The following TMEM135 variants were observed in gnomAD, a reference collection of about 807,000 sequenced individuals.
The protein encoded by TMEM135 is transmembrane protein 135, also known as peroxisomal membrane protein 52.
A neutral mutation model predicts 60.3 loss-of-function variants in TMEM135; 30 were observed. The ratio of observed to expected loss-of-function variants is 0.50; its 90% CI spans 0.37 to 0.68. The LOEUF (loss-of-function observed/expected upper bound fraction) is 0.68, where lower values mean the gene tolerates loss of function less well. Ranked by LOEUF, TMEM135 falls within the 30% of genes least tolerant of loss-of-function variation. The pLI, the probability that TMEM135 is intolerant of heterozygous loss-of-function variation, is 0.00. For synonymous variants in TMEM135, 190 were observed against 186.7 expected (o/e 1.02, Z -0.14); for missense variants, 468 against 548.8 (o/e 0.85, Z 1.47).
intron 5 of TMEM135, chr11:87,178,439 G>A (rs1156749728): frequency 1.1e-5 from 5 of 455,924 alleles, no homozygotes; most frequent in Admixed American, 4.7e-5. Context: ...TTAACATAAT[G>A]CGTTTTGTTT....
At chr11:87,071,468 T>C in intron 2 of TMEM135, 55 bp from the exon 3 acceptor site, 1 of 1,332,810 alleles carries the variant, frequency 7.5e-7, no homozygotes, top group East Asian at 2.3e-5. Flanking sequence ...CTATTCATAA[T>C]AACTGAAGTG....
intron 8 of TMEM135, among the ~76,000 whole-genome samples, chr11:87,304,418 G>A (rs1483799665): frequency 1.3e-5 from 2 of 150,288 alleles, no homozygotes; most frequent in African/African-American, 4.9e-5. Context: ...TTTCAGTGTA[G>A]TTCTGGTAGC....
In TMEM135 at chr11:87,189,069, C is replaced by T. The variant is rs554645265; in HGVS notation, c.462+31663C>T. Among the ~76,000 whole-genome samples, 337 of 149,366 alleles carry T rather than the reference C, an allele frequency of 2.3e-3. 2 individuals carry two copies. Among genetic ancestry groups the T allele is most frequent in the Admixed American group, 0.018 (276 of 15,070 alleles). On this transcript the variant is annotated intron_variant, in intron 5 of 14. Transcript: ENST00000305494. ...TGCTATTCCTTACTTTTCCTTTTTTCTTTCCTTTCCTTTCTTTCCTTCCTT... is the reference window on the plus strand; with the variant it reads ...TGCTATTCCTTACTTTTCCTTTTTTTTTTCCTTTCCTTTCTTTCCTTCCTT...
chr11:87,165,897 A>T (rs1022368908), intron 5 of TMEM135, among the ~76,000 whole-genome samples: 1 of 150,876 alleles, frequency 6.6e-6, no homozygotes, highest in Non-Finnish European at 1.5e-5. Context: ...ATAAAAAATG[A>T]TAAAGGGGAT....
chr11:87,195,219 C>T (rs558596731), intron 5 of TMEM135, among the ~76,000 whole-genome samples: 12 of 151,606 alleles, frequency 7.9e-5, no homozygotes, highest in Non-Finnish European at 1.6e-4. Context: ...TTTCCTTCTC[C>T]CCTGTCTTCT....
intron 1 of TMEM135, among the ~76,000 whole-genome samples, chr11:87,045,626 A>T (rs1294611838): frequency 1.3e-5 from 2 of 152,242 alleles, no homozygotes; most frequent in East Asian, 3.8e-4. Flanking sequence ...CTCTGGTAAC[A>T]GATTTTCCAT....
intron 6 of TMEM135, among the ~76,000 whole-genome samples, chr11:87,255,494 TGGGCATG>T (rs1487121971): frequency 1.3e-5 from 2 of 152,170 alleles, no homozygotes; most frequent in East Asian, 3.9e-4. Context: ...CTGCAAGAGC[TGGGCATG>T]GTGGCACATG....
chr11:87,326,510 G>T lies in TMEM135; in HGVS notation c.*5177G>T, dbSNP rs1357164262. 4.4e-6 allele frequency: 2 copies of T among 453,978 alleles called. No individual in the cohort carries two copies. The highest frequency in any genetic ancestry group is 4.0e-5 in the African/African-American group (2 of 49,992). The allele number at this position is 453,978 out of a possible 1,614,324, so 28.1% of individuals were successfully genotyped here. A position where few individuals can be genotyped will look rare whatever the true frequency, so the allele number is the denominator to read the frequency against. ...GAAGCTATAGTGCCAAAGGTTTAAA[G>T]CATGAAGTACATTCTGTGGTTGGTC... On this transcript the variant is annotated 3_prime_UTR_variant, in exon 15 of 15. Transcript: ENST00000305494.
At chr11:87,273,980 A>C (rs1318261983) in intron 6 of TMEM135, among the ~76,000 whole-genome samples, 1 of 146,118 alleles carries the variant, frequency 6.8e-6, no homozygotes, top group Non-Finnish European at 1.5e-5. Flanking sequence ...CAAGTATGCT[A>C]GCAAAAATAA....
chr11:87,142,690 C>T (rs1022223580), intron 4 of TMEM135, among the ~76,000 whole-genome samples: 5 of 151,328 alleles, frequency 3.3e-5, no homozygotes, highest in Non-Finnish European at 5.9e-5. Flanking sequence ...CAGATTTCCT[C>T]CTCCTCCTCC....
intron 4 of TMEM135, among the ~76,000 whole-genome samples, chr11:87,092,153 T>A (rs1187195494): frequency 6.6e-6 from 1 of 152,174 alleles, no homozygotes; most frequent in East Asian, 1.9e-4. Flanking sequence ...AAATATTTAG[T>A]TTTTGCTCTG....
At chr11:87,260,668 G>T (rs1392670958) in intron 6 of TMEM135, among the ~76,000 whole-genome samples, 1 of 151,974 alleles carries the variant, frequency 6.6e-6, no homozygotes, top group Non-Finnish European at 1.5e-5. Flanking sequence ...ATAAAATAGG[G>T]CATTAATTTT....
intron 3 of TMEM135, among the ~76,000 whole-genome samples, chr11:87,073,299 C>G (rs1856806274): frequency 6.6e-6 from 1 of 152,160 alleles, no homozygotes. Flanking sequence ...TCCCAAAGTG[C>G]TGGGATTAGA....
intron 6 of TMEM135, among the ~76,000 whole-genome samples, chr11:87,256,649 A>G (rs1022675069): frequency 6.6e-6 from 1 of 152,196 alleles, no homozygotes; most frequent in African/African-American, 2.4e-5. Flanking sequence ...AGATTATATT[A>G]AAGTGATTTT....
intron 6 of TMEM135, among the ~76,000 whole-genome samples, chr11:87,262,613 C>T (rs1941673815): frequency 6.6e-6 from 1 of 152,116 alleles, no homozygotes; most frequent in South Asian, 2.1e-4. Flanking sequence ...ATTGTTGTAT[C>T]AATCAGCTAC....
chr11:87,314,983 A>G (rs1479128596), intron 12 of TMEM135, among the ~76,000 whole-genome samples: 1 of 151,550 alleles, frequency 6.6e-6, no homozygotes, highest in Non-Finnish European at 1.5e-5. Flanking sequence ...ATACATTAAA[A>G]CCCTCCCAGT....
chr11:87,140,299 C>T (rs1235669608), intron 4 of TMEM135, among the ~76,000 whole-genome samples: 1 of 151,952 alleles, frequency 6.6e-6, no homozygotes, highest in Non-Finnish European at 1.5e-5. Context: ...GATCTCCTGA[C>T]CTCGTGATCC....
At chr11:87,157,075 T>G (rs1244572321) in intron 4 of TMEM135, among the ~76,000 whole-genome samples, 1 of 27,580 alleles carries the variant, frequency 3.6e-5, no homozygotes, top group Non-Finnish European at 6.0e-5. Context: ...CTTTCTTTTG[T>G]TTTTTTTTTT....
At chr11:87,171,279 T>G (rs375693799) in intron 5 of TMEM135, among the ~76,000 whole-genome samples, 3 of 152,156 alleles carry the variant, frequency 2.0e-5, no homozygotes, top group Admixed American at 6.5e-5. Context: ...ACTTTCCATT[T>G]TTGGTACTCT....
Sources: gnomAD v4.1 joint callset for allele counts (sites outside exome capture counted in the v4.1 genomes callset) on GRCh38, gnomAD v4.1.1 for gene constraint, MANE v1.5 for transcripts, NCBI Gene and HGNC (gene_info 2026-07-23, HGNC 2026-07-21) for gene names.